SLC24A2: variants seen among roughly 807,000 people sequenced by gnomAD.
SLC24A2 encodes the protein solute carrier family 24 member 2, also known as sodium/potassium/calcium exchanger 2.
Under a neutral mutation model 62.0 loss-of-function variants are expected in SLC24A2, and 36 were observed. That is an observed-to-expected ratio of 0.58 (90% CI 0.44 to 0.77). SLC24A2 has a LOEUF of 0.77. Among genes scored for constraint, SLC24A2 ranks in the 30% least tolerant of loss-of-function variants. SLC24A2 has a pLI of 0.00. For synonymous variants in SLC24A2, 358 were observed against 294.0 expected, an observed-to-expected ratio of 1.22 and a Z score of -2.23; for missense variants, 846 against 817.9, an observed-to-expected ratio of 1.03 and a Z score of -0.42.
intron 2 of SLC24A2, among the ~76,000 whole-genome samples, chr9:19,719,666 C>T (rs994918084): frequency 2.0e-5 from 3 of 152,152 alleles, no homozygotes; most frequent in African/African-American, 4.8e-5. Context: ...AAATTAAGGT[C>T]AAATCTTGAG....
chr9:19,521,400 AG>A (rs1283441474), intron 9 of SLC24A2, among the ~76,000 whole-genome samples: 1 of 152,212 alleles, frequency 6.6e-6, no homozygotes, highest in Non-Finnish European at 1.5e-5. Context: ...CATGGAATCC[AG>A]GGGGCAGCAC....
At chr9:19,578,872 CTT>C (rs934704537) in intron 5 of SLC24A2, among the ~76,000 whole-genome samples, 3 of 152,184 alleles carry the variant, frequency 2.0e-5, no homozygotes, top group Non-Finnish European at 4.4e-5. Context: ...AGCCTGGTCT[CTT>C]TGCCACAACA....
At chr9:19,884,972 A>G in the SLC24A2 span, among the ~76,000 whole-genome samples, 3 of 152,182 alleles carry the variant, frequency 2.0e-5, no homozygotes, top group African/African-American at 7.2e-5. Flanking sequence ...GAGCATCTGT[A>G]TTCTTACAGA....
intron 2 of SLC24A2, among the ~76,000 whole-genome samples, chr9:19,773,133 A>C (rs1822740553): frequency 6.6e-6 from 1 of 152,226 alleles, no homozygotes; most frequent in South Asian, 2.1e-4. Context: ...GACAAAGTAG[A>C]TTAGTGGCTA....
At chr9:19,864,889 C>T in the SLC24A2 span, among the ~76,000 whole-genome samples, 2 of 151,270 alleles carry the variant, frequency 1.3e-5, no homozygotes, top group African/African-American at 4.9e-5. Context: ...GAAAGGAAAA[C>T]ATCAAATTAT....
chr9:20,201,999 A>G, the SLC24A2 span, among the ~76,000 whole-genome samples: 1 of 151,430 alleles, frequency 6.6e-6, no homozygotes, highest in East Asian at 1.9e-4. Flanking sequence ...TTGGCCTGTA[A>G]TCTTTGGGAA....
intron 9 of SLC24A2, among the ~76,000 whole-genome samples, chr9:19,526,509 C>T (rs1427211366): frequency 6.6e-6 from 1 of 152,136 alleles, no homozygotes; most frequent in East Asian, 1.9e-4. Context: ...CTCATCAACA[C>T]TTGTTAGGTT....
chr9:19,923,232 C>T, the SLC24A2 span, among the ~76,000 whole-genome samples: 1 of 152,092 alleles, frequency 6.6e-6, no homozygotes, highest in Non-Finnish European at 1.5e-5. Flanking sequence ...TGTCCAAGGA[C>T]ACCCAAGGAC....
chr9:19,561,537 G>A (rs1312828664), intron 7 of SLC24A2, among the ~76,000 whole-genome samples: 1 of 149,704 alleles, frequency 6.7e-6, no homozygotes. Flanking sequence ...TGGGTTCAAG[G>A]GATTTTCCTG....
At chr9:20,302,429 A>G in the SLC24A2 span, among the ~76,000 whole-genome samples, 11 of 152,192 alleles carry the variant, frequency 7.2e-5, no homozygotes, top group African/African-American at 2.7e-4. Flanking sequence ...GGTCATTCTA[A>G]TAGGTATGTA....
chr9:19,758,704 G>A lies in SLC24A2; in HGVS notation c.930+27233C>T, dbSNP rs191582747. 2.4e-4 allele frequency among the ~76,000 whole-genome samples: 37 copies of A among 152,240 alleles called. 1 individual carries two copies. The highest frequency in any genetic ancestry group is 7.9e-4 in the African/African-American group (33 of 41,572). ...TTTTGTAAGTGTGAGGGTCCAAGAC[G>A]AAAGAAGAAACTTATCAGGATTGGT... On this transcript the variant is annotated intron_variant, in intron 2 of 10. Transcript: ENST00000341998.
intron 2 of SLC24A2, among the ~76,000 whole-genome samples, chr9:19,735,204 A>C (rs1821469763): frequency 6.6e-6 from 1 of 152,242 alleles, no homozygotes; most frequent in South Asian, 2.1e-4. Context: ...AAGTATATGA[A>C]CAGACACTTC....
At chr9:20,234,515 G>A in the SLC24A2 span, among the ~76,000 whole-genome samples, 70 of 152,110 alleles carry the variant, frequency 4.6e-4, no homozygotes, top group East Asian at 0.011. Context: ...CCAGTTGATC[G>A]CATCAGCTAC....
the SLC24A2 span, among the ~76,000 whole-genome samples, chr9:20,109,884 T>A: frequency 6.6e-6 from 1 of 152,276 alleles, no homozygotes; most frequent in Middle Eastern, 3.4e-3. Flanking sequence ...GGGATGCCAC[T>A]TTTTCAACTT....
chr9:19,521,066 T>G lies in SLC24A2; in HGVS notation c.1570-6A>C, dbSNP rs775122224. 2 of 1,613,900 alleles carry G rather than the reference T, an allele frequency of 1.2e-6. No homozygotes were observed. On this transcript the variant is annotated splice_polypyrimidine_tract_variant and splice_region_variant and intron_variant, in intron 9 of 10. Transcript: ENST00000341998. ...ATGCCAATTGTCTCTCCAACCTAAA[T>G]GTCAGGACAGGAATAAACATCTCAG...
chr9:19,633,394 A>G (rs1818226767), intron 2 of SLC24A2, among the ~76,000 whole-genome samples: 1 of 152,240 alleles, frequency 6.6e-6, no homozygotes, highest in Non-Finnish European at 1.5e-5. Context: ...AGAGTGCTGT[A>G]CCATTTTACA....
chr9:19,788,020 A>C (rs1823225625), intron 1 of SLC24A2, among the ~76,000 whole-genome samples: 1 of 152,192 alleles, frequency 6.6e-6, no homozygotes, highest in South Asian at 2.1e-4. Flanking sequence ...TTCTCTTTTT[A>C]GTTTTTCTTT....
chr9:20,305,576 C>G, the SLC24A2 span, among the ~76,000 whole-genome samples: 1 of 152,106 alleles, frequency 6.6e-6, no homozygotes, highest in Non-Finnish European at 1.5e-5. Flanking sequence ...AGACTGATCT[C>G]TAAGTAAATA....
the SLC24A2 span, among the ~76,000 whole-genome samples, chr9:20,231,993 C>T: frequency 0.015 from 2,308 of 152,200 alleles, 24 homozygotes; most frequent in Non-Finnish European, 0.025. Context: ...TTGAGATAAT[C>T]ATGTGGTTTT....
Sources: gnomAD v4.1 joint callset for allele counts (sites outside exome capture counted in the v4.1 genomes callset) on GRCh38, gnomAD v4.1.1 for gene constraint, MANE v1.5 for transcripts, NCBI Gene and HGNC (gene_info 2026-07-23, HGNC 2026-07-21) for gene names.